FAT2: variants seen among roughly 807,000 people sequenced by gnomAD.
FAT2 encodes the protein FAT atypical cadherin 2.
Under a neutral mutation model 295.3 loss-of-function variants are expected in FAT2, and 150 were observed. The ratio of observed to expected loss-of-function variants is 0.51; its 90% CI spans 0.44 to 0.58. FAT2 has a LOEUF of 0.58. FAT2 is among the 20% of genes least tolerant of loss of function. The pLI, the probability that FAT2 is intolerant of heterozygous loss-of-function variation, is 0.00. For missense variants in FAT2, 4,868 were observed against 5,442.7 expected, an observed-to-expected ratio of 0.89 and a Z score of 3.32; for synonymous variants, 2,026 against 2,150.3, an observed-to-expected ratio of 0.94 and a Z score of 1.60.
intron 1 of FAT2, among the ~76,000 whole-genome samples, chr5:151,589,721 C>T (rs1037093980): frequency 2.0e-5 from 3 of 151,810 alleles, no homozygotes; most frequent in African/African-American, 7.3e-5. Context: ...CATAGTGAGA[C>T]CCCATCTCTA....
intron 1 of FAT2, among the ~76,000 whole-genome samples, chr5:151,586,951 G>A (rs1424825765): frequency 6.6e-6 from 1 of 151,976 alleles, no homozygotes; most frequent in Non-Finnish European, 1.5e-5. Context: ...GACCAGCCTG[G>A]GGCAACATGG....
intron 1 of FAT2, among the ~76,000 whole-genome samples, chr5:151,577,384 G>T (rs1299607881): frequency 6.6e-6 from 1 of 152,238 alleles, no homozygotes. Flanking sequence ...CTCACTGAGG[G>T]CCTGCCCTGT....
intron 3 of FAT2, among the ~76,000 whole-genome samples, chr5:151,557,368 G>A (rs1757792863): frequency 6.6e-6 from 1 of 152,144 alleles, no homozygotes; most frequent in African/African-American, 2.4e-5. Flanking sequence ...GAAGTTTATA[G>A]CCCAAGGATA....
chr5:151,525,974 G>C lies in FAT2; in HGVS notation c.10309-9C>G, dbSNP rs369165654. On this transcript the variant is annotated splice_polypyrimidine_tract_variant and intron_variant, in intron 17 of 23. Transcript: ENST00000261800. ...CCAATGGGGGAGTTCTCCTGAGACC[G>C]AGAGTGACAAAGAAGGCAAAGAGCA... The C allele has an allele frequency of 6.2e-7, 1 of 1,613,392 alleles. No homozygotes were observed. Among genetic ancestry groups the C allele is most frequent in the South Asian group, 1.1e-5 (1 of 90,904 alleles).
At position 151,576,223 on chromosome 5, in the gene FAT2, A is replaced by T. The variant is rs544576136; in HGVS notation, c.-20-7272T>A. On this transcript the variant is annotated intron_variant, in intron 1 of 23. Coordinates refer to ENST00000261800, the MANE Select transcript of FAT2 (RefSeq NM_001447.3). ...ATTCACGTATACTTAGCAGTATGGT[A>T]TAGGAACAAGGGGGTATTTTTAAAA... Among the ~76,000 whole-genome samples, 14 of 152,364 alleles carry T rather than the reference A, an allele frequency of 9.2e-5. 1 individual carries two copies. The highest frequency in any genetic ancestry group is 2.9e-4 in the African/African-American group (12 of 41,594).
rs779497889 is a variant in FAT2, at chr5:151,540,807, T to C, written c.8843-44A>G. The stretch of plus-strand genomic sequence containing the variant: ...GCTTTCAGAAGCCAAGCAATAGGAA[T>C]GAACTAGGCTTTGTGTCACAGGTGG... On this transcript the variant is annotated intron_variant, in intron 10 of 23. Transcript: ENST00000261800. The C allele has an allele frequency of 5.8e-6, 9 of 1,538,658 alleles. No individual in the cohort carries two copies. In the South Asian group the frequency reaches 1.1e-4, roughly 18 times the overall value.
rs374734682 is a variant in FAT2 at position 151,537,949 on chromosome 5, A to G, written c.9040-3T>C. On this transcript the variant is annotated splice_region_variant and splice_polypyrimidine_tract_variant and intron_variant, in intron 11 of 23. Coordinates refer to ENST00000261800, the MANE Select transcript of FAT2 (RefSeq NM_001447.3). The stretch of plus-strand genomic sequence containing the variant: ...TGAACCTTGCCAGTATAGAGAAGCT[A>G]GAGATGGAAAGACAAAGAAGAGGGA... The G allele has an allele frequency of 8.4e-5, 135 of 1,613,292 alleles. No individual in the cohort carries two copies. Among genetic ancestry groups the G allele is most frequent in the Non-Finnish European group, 1.1e-4 (130 of 1,179,636 alleles).
At chr5:151,551,995 G>GTA (rs1387555738) in intron 6 of FAT2, among the ~76,000 whole-genome samples, 3 of 151,782 alleles carry the variant, frequency 2.0e-5, no homozygotes, top group Admixed American at 6.6e-5. Flanking sequence ...GTGTGTGTGT[G>GTA]TGTGTGTGTG....
At chr5:151,561,138 T>C (rs1385364424) in intron 3 of FAT2, among the ~76,000 whole-genome samples, 1 of 152,150 alleles carries the variant, frequency 6.6e-6, no homozygotes, top group African/African-American at 2.4e-5. Context: ...CAGGAAAAAC[T>C]TCTCTAAGGA....
intron 19 of FAT2, among the ~76,000 whole-genome samples, chr5:151,518,853 T>G (rs1319947995): frequency 2.0e-5 from 3 of 152,104 alleles, no homozygotes; most frequent in Non-Finnish European, 2.9e-5. Context: ...TTAAAAAATA[T>G]CCACCCTCCC....
At chr5:151,515,717 C>G (rs567042037) in intron 20 of FAT2, among the ~76,000 whole-genome samples, 1 of 152,206 alleles carries the variant, frequency 6.6e-6, no homozygotes, top group Admixed American at 6.5e-5. Flanking sequence ...TCCAATTCCT[C>G]TGTCATCACC....
chr5:151,511,466 C>T (rs1761316632), intron 21 of FAT2: 1 of 152,186 alleles, frequency 6.6e-6, no homozygotes, highest in Admixed American at 6.5e-5. Context: ...TGACTTCCAC[C>T]CCTGGGTGTC....
chr5:151,550,462 A>T, intron 8 of FAT2, 128 bp downstream of exon 8: 1 of 1,089,638 alleles, frequency 9.2e-7, no homozygotes, highest in South Asian at 1.6e-5. Context: ...CAGCTGTGAA[A>T]TGTCACAACT....
intron 15 of FAT2, among the ~76,000 whole-genome samples, chr5:151,528,618 G>A (rs571797419): frequency 1.3e-5 from 2 of 152,216 alleles, no homozygotes; most frequent in African/African-American, 4.8e-5. Context: ...ACGATGTTTT[G>A]GGGAAAGGTA....
chr5:151,557,719 C>A (rs79172131), intron 3 of FAT2, among the ~76,000 whole-genome samples: 3 of 152,348 alleles, frequency 2.0e-5, no homozygotes, highest in East Asian at 1.9e-4. Context: ...CTCAGCCAAC[C>A]TGCATTGGGT....
chr5:151,563,256 G>T (rs777454788), intron 3 of FAT2, 69 bp downstream of exon 3: 2 of 1,442,548 alleles, frequency 1.4e-6, no homozygotes, highest in Non-Finnish European at 1.9e-6. Context: ...TGATGGTGCC[G>T]ATTTGGGCCC....
intron 16 of FAT2, among the ~76,000 whole-genome samples, chr5:151,527,724 G>A (rs1454910411): frequency 2.0e-5 from 3 of 152,328 alleles, no homozygotes; most frequent in South Asian, 2.1e-4. Context: ...CTCAAAAAAT[G>A]TGGCTATTTT....
chr5:151,521,625 G>C lies in FAT2; in HGVS notation c.10968C>G (p.Ser3656Arg), dbSNP rs756429685. The C allele has an allele frequency of 1.2e-5, 20 of 1,614,022 alleles. No homozygotes were observed. Among genetic ancestry groups the C allele is most frequent in the Non-Finnish European group, 1.6e-5 (19 of 1,180,032 alleles). Residue 3656 changes from serine (S) to arginine (R), a missense_variant, in exon 19 of 24, where the codon AGC (serine) becomes AGG (arginine). Coordinates refer to ENST00000261800, the MANE Select transcript of FAT2 (RefSeq NM_001447.3). The stretch of plus-strand genomic sequence containing the variant: ...TAGCCCGTTTGATGTCCAGCTTATG[G>C]CTGAGGAACCTCTGCAGGTTCCGCC... ...DHWRNLQRFL[S>R]HKLDIKRANI...
In FAT2 at chr5:151,567,827, C is replaced by G. The variant is rs1758350882; in HGVS notation, c.1105G>C (p.Val369Leu). Residue 369 changes from valine (V) to leucine (L), a missense_variant, in exon 2 of 24, where the codon GTG becomes CTG. This residue lies in a region of FAT2 where 3,297 missense variants were observed against 3,669.4 expected (regional missense o/e 0.90). Coordinates refer to ENST00000261800, the MANE Select transcript of FAT2 (RefSeq NM_001447.3). ...SLKFEKAVYRVQLSEFSPPGS... is the reference protein window; with the variant it reads ...SLKFEKAVYRLQLSEFSPPGS... ...GGAGGGGAAAACTCACTAAGCTGCA[C>G]TCTGTAAACAGCCTTCTCGAATTTG... 2 of 1,614,150 alleles carry G rather than the reference C, an allele frequency of 1.2e-6. No homozygotes were observed. Among genetic ancestry groups the G allele is most frequent in the Non-Finnish European group, 1.7e-6 (2 of 1,180,020 alleles).
Sources: allele counts gnomAD v4.1 joint callset (sites outside exome capture counted in the v4.1 genomes callset), GRCh38; gene constraint gnomAD v4.1.1; regional missense constraint gnomAD v4.1.1; transcripts MANE v1.5; gene names NCBI Gene and HGNC (gene_info 2026-07-23, HGNC 2026-07-21).